Variants in PASD1 observed in about 807,000 individuals in gnomAD.
The protein encoded by PASD1 is circadian clock protein PASD1.
Under a neutral mutation model 58.8 loss-of-function variants are expected in PASD1, and 13 were observed. The observed-to-expected ratio is 0.22, with a 90% confidence interval of 0.14 to 0.35. The LOEUF is 0.35. Ranked by LOEUF, PASD1 falls within the 10% of genes least tolerant of loss-of-function variation. The pLI, the probability that PASD1 is intolerant of heterozygous loss-of-function variation, is 1.00. For missense variants in PASD1, 734 were observed against 568.3 expected (o/e 1.29, Z -2.96); for synonymous variants, 236 against 216.7 (o/e 1.09, Z -0.78).
chrX:151,624,330 A>G lies in PASD1; in HGVS notation c.547-1118A>G, dbSNP rs776427613. ...AACTGATTTTAGCAAGACTGGGACA[A>G]TGTGGATCAGGCAGTGTGGGAGGCT... On this transcript the variant is annotated intron_variant, in intron 7 of 15. Coordinates refer to ENST00000370357, the MANE Select transcript of PASD1 (RefSeq NM_173493.3). Among the ~76,000 whole-genome samples the G allele has an allele frequency of 3.0e-3, 339 of 111,198 alleles. 3 individuals are homozygous for G. The highest frequency in any genetic ancestry group is 5.2e-3 in the Non-Finnish European group (277 of 52,982).
intron 8 of PASD1, among the ~76,000 whole-genome samples, chrX:151,633,130 T>C (rs74532149): frequency 9.0e-6 from 1 of 111,670 alleles, no homozygotes; most frequent in African/African-American, 3.3e-5. Flanking sequence ...TCTTTTTTTT[T>C]CTGCTTAAAG....
intron 11 of PASD1, among the ~76,000 whole-genome samples, chrX:151,668,419 T>G (rs754990564): frequency 2.7e-5 from 3 of 111,127 alleles, no homozygotes; most frequent in African/African-American, 9.8e-5. Context: ...AGTATTTTAT[T>G]GAGGATTTTT....
chrX:151,639,773 T>C (rs1018834324), intron 8 of PASD1, among the ~76,000 whole-genome samples: 1 of 111,901 alleles, frequency 8.9e-6, no homozygotes, highest in African/African-American at 3.2e-5. Flanking sequence ...TCTCCCTCAG[T>C]ACACAGACTA....
At chrX:151,566,035 A>G (rs1298221604) in intron 1 of PASD1, among the ~76,000 whole-genome samples, 1 of 112,184 alleles carries the variant, frequency 8.9e-6, no homozygotes, top group African/African-American at 3.2e-5. Flanking sequence ...TGTTGGTAGT[A>G]AAACGAAAAT....
intron 9 of PASD1, among the ~76,000 whole-genome samples, chrX:151,651,614 A>G (rs1260606557): frequency 8.9e-6 from 1 of 112,372 alleles, no homozygotes; most frequent in Non-Finnish European, 1.9e-5. Flanking sequence ...CTACTATGGT[A>G]GGCATTTAGT....
At chrX:151,635,752 C>T (rs918615852) in intron 8 of PASD1, among the ~76,000 whole-genome samples, 1 of 100,261 alleles carries the variant, frequency 1.0e-5, no homozygotes, top group Non-Finnish European at 2.0e-5. Flanking sequence ...ATTCCATGAG[C>T]TTTGAATGGA....
At chrX:151,612,800 G>A (rs2013583681) in intron 4 of PASD1, among the ~76,000 whole-genome samples, 1 of 111,688 alleles carries the variant, frequency 9.0e-6, no homozygotes. Context: ...TTCTTTTGCT[G>A]TGCAGAAGCT....
chrX:151,598,777 G>A (rs1365870738), intron 1 of PASD1, among the ~76,000 whole-genome samples: 1 of 111,472 alleles, frequency 9.0e-6, no homozygotes, highest in African/African-American at 3.3e-5. Context: ...GATTCATACT[G>A]TTGGGGTATG....
In PASD1 at chrX:151,572,106, A is replaced by AT. The variant is rs1009792260; in HGVS notation, c.-28+8271dup. Among the ~76,000 whole-genome samples, 5 of 111,249 alleles carry AT rather than the reference A, an allele frequency of 4.5e-5. No individual in the cohort carries two copies. The East Asian group carries it at 1.4e-3, about 31-fold the overall frequency. On this transcript the variant is annotated intron_variant, in intron 1 of 15. Transcript: ENST00000370357. ...AATCCAGCCTGACCTGACGACTTTGATTTTCTCATTTGATTTTTCTTAACA... is the reference window on the plus strand; with the variant it reads ...AATCCAGCCTGACCTGACGACTTTGATTTTTCTCATTTGATTTTTCTTAACA...
intron 4 of PASD1, among the ~76,000 whole-genome samples, chrX:151,617,072 ATAT>A (rs944862266): frequency 3.6e-5 from 4 of 111,365 alleles, no homozygotes; most frequent in African/African-American, 6.5e-5. Context: ...CACCACACTA[ATAT>A]TTGTGTGACA....
rs146271992 is a variant in PASD1 at position 151,626,954 on chromosome X, C to T, written c.629+1424C>T. ...GAGGTGATTGGTTGTCAACCTTTAG[C>T]TGATGCTACACACAGAGCAGTGGGA... is the stretch of plus-strand genomic sequence containing the variant. On this transcript the variant is annotated intron_variant, in intron 8 of 15. Coordinates refer to ENST00000370357, the MANE Select transcript of PASD1 (RefSeq NM_173493.3). Among the ~76,000 whole-genome samples, 195 of 111,804 alleles carry T rather than the reference C, an allele frequency of 1.7e-3. 2 individuals are homozygous for T. The East Asian group carries it at 0.041, about 24-fold the overall frequency.
intron 1 of PASD1, among the ~76,000 whole-genome samples, chrX:151,598,652 T>G (rs1414568007): frequency 9.0e-6 from 1 of 111,643 alleles, no homozygotes; most frequent in African/African-American, 3.3e-5. Flanking sequence ...AATTTCCCTA[T>G]CTGATGTTTC....
At chrX:151,565,301 A>G (rs2012818903) in intron 1 of PASD1, among the ~76,000 whole-genome samples, 1 of 112,284 alleles carries the variant, frequency 8.9e-6, no homozygotes, top group Admixed American at 9.4e-5. Flanking sequence ...CATTGGACTC[A>G]TGACTTTGAA....
chrX:151,573,053 A>G (rs868147909), intron 1 of PASD1, among the ~76,000 whole-genome samples: 1 of 37,465 alleles, frequency 2.7e-5, no homozygotes, highest in Admixed American at 4.0e-4. Context: ...TGCTGGGGGT[A>G]GAGGTTGGGG....
intron 8 of PASD1, among the ~76,000 whole-genome samples, chrX:151,644,064 C>T (rs2014029172): frequency 9.0e-6 from 1 of 111,718 alleles, no homozygotes. Flanking sequence ...CTGAACCGAT[C>T]CAAATTACAT....
At chrX:151,635,976 A>G (rs964859152) in intron 8 of PASD1, among the ~76,000 whole-genome samples, 2 of 111,914 alleles carry the variant, frequency 1.8e-5, no homozygotes, top group African/African-American at 6.5e-5. Context: ...AAAACATTAT[A>G]TTGTACACCA....
At chrX:151,626,383 GAAAATGCCGATTAATTTGCCAGAT>G (rs2013788516) in intron 8 of PASD1, among the ~76,000 whole-genome samples, 1 of 111,359 alleles carries the variant, frequency 9.0e-6, no homozygotes. Flanking sequence ...TAACCCCCAG[GAAAATGCCGATTAATTTGCCAGAT>G]ACCACTAAAA....
chrX:151,595,937 T>A (rs943907383), intron 1 of PASD1, among the ~76,000 whole-genome samples: 1 of 111,372 alleles, frequency 9.0e-6, no homozygotes, highest in South Asian at 3.8e-4. Context: ...TGCCCTCAGG[T>A]AGAAATCTGG....
intron 9 of PASD1, among the ~76,000 whole-genome samples, chrX:151,650,071 T>C (rs1312019937): frequency 7.1e-5 from 8 of 112,094 alleles, no homozygotes. Context: ...AAAGAGGAAA[T>C]AAGGTAGAAG....
Sources: allele counts gnomAD v4.1 joint callset (sites outside exome capture counted in the v4.1 genomes callset), GRCh38; gene constraint gnomAD v4.1.1; transcripts MANE v1.5; gene names NCBI Gene and HGNC (gene_info 2026-07-23, HGNC 2026-07-21).